Variants in RFTN1 observed in about 807,000 individuals in gnomAD.
The protein encoded by RFTN1 is raftlin, lipid raft linker 1, also known as raftlin.
In RFTN1, 26 loss-of-function variants were observed where a neutral mutation model predicts 46.5. The ratio of observed to expected loss-of-function variants is 0.56; its 90% confidence interval spans 0.41 to 0.78. The LOEUF is 0.78. RFTN1 is among the 30% of genes least tolerant of loss of function. The probability of loss-of-function intolerance (pLI) is 0.00; values close to 1 mark genes in which losing one functional copy is unlikely to be tolerated. For missense variants in RFTN1, 693 were observed against 718.7 expected (o/e 0.96, Z 0.41); for synonymous variants, 261 against 284.2 (o/e 0.92, Z 0.82).
At position 16,376,685 on chromosome 3, in the gene RFTN1, AAT is replaced by A. The variant is rs2073786318; in HGVS notation, c.826+1031_826+1032del. Among the ~76,000 whole-genome samples, 1 of 152,238 alleles carries A rather than the reference AAT, an allele frequency of 6.6e-6. No homozygotes were observed. The highest frequency in any genetic ancestry group is 1.5e-5 in the Non-Finnish European group (1 of 68,042). Reference sequence around the variant, plus strand: ...AGAAGGCTCAATGCCTTGATTAAACAATAGTCTTACTACATCACAAAACTGAC... The same window carrying A: ...AGAAGGCTCAATGCCTTGATTAAACAAGTCTTACTACATCACAAAACTGAC... On this transcript the variant is annotated intron_variant, in intron 5 of 9. Coordinates refer to ENST00000334133, the MANE Select transcript of RFTN1 (RefSeq NM_015150.2). This position sits in a 1 kb window ranked among gnomAD's most constrained non-coding sequence, Gnocchi z 4.7.
Position 16,341,009 on chromosome 3 carries a change from TACCTC to T in RFTN1, c.1147-14138_1147-14134del, listed in dbSNP as rs1002199092. 3.9e-5 allele frequency among the ~76,000 whole-genome samples: 6 copies of T among 152,130 alleles called. No individual in the cohort carries two copies. Among genetic ancestry groups the T allele is most frequent in the African/African-American group, 1.4e-4 (6 of 41,432 alleles). ...AAAATGGGCAAAAGTTCTAAACAAA[TACCTC>T]ACCAAAGAAGATATGCAGGTAGCAA... On this transcript the variant is annotated intron_variant, in intron 7 of 9. Coordinates refer to ENST00000334133, the MANE Select transcript of RFTN1 (RefSeq NM_015150.2). This position sits in a 1 kb window ranked among gnomAD's most constrained non-coding sequence, Gnocchi z 4.7.
Position 16,483,798 on chromosome 3 carries a change from T to C in RFTN1, c.145+9927A>G, listed in dbSNP as rs375760680. Among the ~76,000 whole-genome samples, 26 of 152,216 alleles carry C rather than the reference T, an allele frequency of 1.7e-4. No individual in the cohort carries two copies. The highest frequency in any genetic ancestry group is 5.5e-4 in the African/African-American group (23 of 41,522). ...TTGTACTCCACATGATCTTTTAAGGTTCTCCAAGTGTGGTCCCCAGACCAG... is the reference window on the plus strand; with the variant it reads ...TTGTACTCCACATGATCTTTTAAGGCTCTCCAAGTGTGGTCCCCAGACCAG... On this transcript the variant is annotated intron_variant, in intron 2 of 9. Transcript: ENST00000334133. The surrounding 1 kb of genome is among the most constrained non-coding windows in gnomAD (Gnocchi z 4.8).
rs573282016 is a variant in RFTN1, at chr3:16,480,742, T to G, written c.145+12983A>C. Among the ~76,000 whole-genome samples, 1 of 152,350 alleles carries G rather than the reference T, an allele frequency of 6.6e-6. No homozygotes were observed. Among genetic ancestry groups the G allele is most frequent in the South Asian group, 2.1e-4 (1 of 4,830 alleles). On this transcript the variant is annotated intron_variant, in intron 2 of 9. Transcript: ENST00000334133. This position sits in a 1 kb window ranked among gnomAD's most constrained non-coding sequence, Gnocchi z 4.3. ...AAATTAGAGAAAGCTTAAAATTCTT[T>G]AACGCAATATTGCTAATAATAATTA...
intron 2 of RFTN1, among the ~76,000 whole-genome samples, chr3:16,490,490 A>T (rs1444867102): frequency 1.3e-5 from 2 of 152,146 alleles, no homozygotes. Flanking sequence ...AAGCTACAGA[A>T]AGCCCTGAGC....
rs941460065 is a variant in RFTN1, at chr3:16,498,872, A to G, written c.-8-4995T>C. ...CAGAAAAATCTAGCTTATAAAAAGT[A>G]GGAAAAATCAGCTGTAACAGTGACT... On this transcript the variant is annotated intron_variant, in intron 1 of 9. Coordinates refer to ENST00000334133, the MANE Select transcript of RFTN1 (RefSeq NM_015150.2). The surrounding 1 kb of genome is among the most constrained non-coding windows in gnomAD (Gnocchi z 5.2). 6.7e-6 allele frequency among the ~76,000 whole-genome samples: 1 copy of G among 149,464 alleles called. No homozygotes were observed. Among genetic ancestry groups the G allele is most frequent in the African/African-American group, 2.6e-5 (1 of 38,808 alleles).
At position 16,320,431 on chromosome 3, in the gene RFTN1, G is replaced by T. The variant is rs2068917539; in HGVS notation, c.1332+2945C>A. ...CTATGTGTGTCCTCGCTAAGAAGCT[G>T]ATTACTCATTCATTGATTCGACAAG... On this transcript the variant is annotated intron_variant, in intron 9 of 9. Transcript: ENST00000334133. This position sits in a 1 kb window ranked among gnomAD's most constrained non-coding sequence, Gnocchi z 4.5. Among the ~76,000 whole-genome samples, 1 of 152,232 alleles carries T rather than the reference G, an allele frequency of 6.6e-6. No individual in the cohort carries two copies. The highest frequency in any genetic ancestry group is 2.4e-5 in the African/African-American group (1 of 41,458).
In RFTN1 at chr3:16,453,208, C is replaced by T. The variant is rs80019760; in HGVS notation, c.146-19171G>A. 6.4e-3 allele frequency among the ~76,000 whole-genome samples: 970 copies of T among 152,316 alleles called. 10 individuals carry two copies. The highest frequency in any genetic ancestry group is 6.6e-3 in the Non-Finnish European group (451 of 68,024). ...GGGTTGAACCTGACATTCAAACCCACGCATTCAGAGCCTATGCTCTTAACC... is the reference window on the plus strand; with the variant it reads ...GGGTTGAACCTGACATTCAAACCCATGCATTCAGAGCCTATGCTCTTAACC... On this transcript the variant is annotated intron_variant, in intron 2 of 9. Coordinates refer to ENST00000334133, the MANE Select transcript of RFTN1 (RefSeq NM_015150.2).
Position 16,493,853 on chromosome 3 carries a change from T to C in RFTN1, c.17A>G (p.Asn6Ser). 6.2e-7 allele frequency: 1 copy of C among 1,614,170 alleles called. No individual in the cohort carries two copies. The highest frequency in any genetic ancestry group is 1.7e-5 in the Admixed American group (1 of 60,022). ...TTTTTCATCACGTTTCTCTAACTTG[T>C]TCAATCCGCAACCCATTTCAGCAGC... MGCGLNKLEKRDEKRP... is the reference protein window; with the variant it reads MGCGLSKLEKRDEKRP... The change falls in exon 2 of 10, where the codon AAC becomes AGC. Residue 6 changes from asparagine (N) to serine (S), a missense_variant. By Grantham distance (46) the Asn-to-Ser change is conservative (BLOSUM62 1). Coordinates refer to ENST00000334133, the MANE Select transcript of RFTN1 (RefSeq NM_015150.2).
At chr3:16,502,383 C>CAAAA (rs140019736) in intron 1 of RFTN1, among the ~76,000 whole-genome samples, 1 of 70,930 alleles carries the variant, frequency 1.4e-5, no homozygotes, top group Non-Finnish European at 3.1e-5. Flanking sequence ...GACCTTGTCT[C>CAAAA]AAAAAAAAAA....
Position 16,470,743 on chromosome 3 carries a change from A to T in RFTN1, c.145+22982T>A, listed in dbSNP as rs921461859. Among the ~76,000 whole-genome samples, 31 of 152,350 alleles carry T rather than the reference A, an allele frequency of 2.0e-4. 1 individual carries two copies. The highest frequency in any genetic ancestry group is 6.8e-3 in the Middle Eastern group (2 of 294). ...AAGCAAACAAACAAAATCAACAGTC[A>T]TCAGAAGAATATAACAGAATCCAGA... On this transcript the variant is annotated intron_variant, in intron 2 of 9. Coordinates refer to ENST00000334133, the MANE Select transcript of RFTN1 (RefSeq NM_015150.2).
chr3:16,463,743 G>T (rs138803718), intron 2 of RFTN1, among the ~76,000 whole-genome samples: 218 of 152,168 alleles, frequency 1.4e-3, no homozygotes, highest in African/African-American at 4.7e-3. Context: ...AATAATTTTT[G>T]ATTGAATACC....
intron 2 of RFTN1, among the ~76,000 whole-genome samples, chr3:16,492,784 G>C (rs2076559690): frequency 1.3e-5 from 2 of 152,036 alleles, no homozygotes; most frequent in African/African-American, 2.4e-5. Flanking sequence ...CATTTGTATG[G>C]GTCTCCTGTC....
In RFTN1 at chr3:16,458,014, T is replaced by C. The variant is rs1298842649; in HGVS notation, c.146-23977A>G. On this transcript the variant is annotated intron_variant, in intron 2 of 9. Coordinates refer to ENST00000334133, the MANE Select transcript of RFTN1 (RefSeq NM_015150.2). The surrounding 1 kb of genome is among the most constrained non-coding windows in gnomAD (Gnocchi z 5.1). ...AGGATGCAAAAACAAGTCACTATCT[T>C]GGAAGTGGAGATCAGCCCTCACCAG... Among the ~76,000 whole-genome samples, 1 of 152,164 alleles carries C rather than the reference T, an allele frequency of 6.6e-6. No individual in the cohort carries two copies. The highest frequency in any genetic ancestry group is 1.5e-5 in the Non-Finnish European group (1 of 68,022).
rs1344665138 is a variant in RFTN1, at chr3:16,348,541, A to C, written c.1146+9391T>G. ...CCTTGTTCAGTCTCTGCTCTCTCCCAGGGCACTTCTGGTCAGCAGGGCACA... is the reference window on the plus strand; with the variant it reads ...CCTTGTTCAGTCTCTGCTCTCTCCCCGGGCACTTCTGGTCAGCAGGGCACA... On this transcript the variant is annotated intron_variant, in intron 7 of 9. Coordinates refer to ENST00000334133, the MANE Select transcript of RFTN1 (RefSeq NM_015150.2). This position sits in a 1 kb window ranked among gnomAD's most constrained non-coding sequence, Gnocchi z 6.3. Among the ~76,000 whole-genome samples, 1 of 151,998 alleles carries C rather than the reference A, an allele frequency of 6.6e-6. No individual in the cohort carries two copies. Among genetic ancestry groups the C allele is most frequent in the Non-Finnish European group, 1.5e-5 (1 of 67,968 alleles).
chr3:16,368,517 A>G lies in RFTN1; in HGVS notation c.1030+1559T>C, dbSNP rs545713963. ...AAACCCCATCTCTACTAAAAATACA[A>G]AAAAATTAGCCTGCGTGGTGGCGGG... On this transcript the variant is annotated intron_variant, in intron 6 of 9. Coordinates refer to ENST00000334133, the MANE Select transcript of RFTN1 (RefSeq NM_015150.2). Among the ~76,000 whole-genome samples the G allele has an allele frequency of 5.5e-4, 84 of 152,234 alleles. 1 individual carries two copies. The highest frequency in any genetic ancestry group is 1.9e-3 in the African/African-American group (80 of 41,560).
intron 2 of RFTN1, among the ~76,000 whole-genome samples, chr3:16,486,643 T>C (rs940361658): frequency 3.3e-5 from 5 of 152,224 alleles, no homozygotes; most frequent in African/African-American, 1.2e-4. Context: ...TTTCAAGTCT[T>C]CCTTGACACA....
Position 16,465,351 on chromosome 3 carries a change from G to T in RFTN1, c.145+28374C>A, listed in dbSNP as rs1392371001. Reference sequence around the variant, plus strand: ...ATTTTTATCCATTTGATTGCTGAACGCTTTCATCAAGGCAATTCTCTGAGC... The same window carrying T: ...ATTTTTATCCATTTGATTGCTGAACTCTTTCATCAAGGCAATTCTCTGAGC... On this transcript the variant is annotated intron_variant, in intron 2 of 9. Transcript: ENST00000334133. This position sits in a 1 kb window ranked among gnomAD's most constrained non-coding sequence, Gnocchi z 5.1. Among the ~76,000 whole-genome samples the T allele has an allele frequency of 1.3e-5, 2 of 151,294 alleles. No homozygotes were observed. The highest frequency in any genetic ancestry group is 4.2e-4 in the South Asian group (2 of 4,788).
intron 4 of RFTN1, among the ~76,000 whole-genome samples, chr3:16,390,637 G>A (rs572639234): frequency 6.6e-6 from 1 of 152,318 alleles, no homozygotes; most frequent in Admixed American, 6.5e-5. Context: ...AAAGAATGAT[G>A]CCCACATTCC....
intron 1 of RFTN1, among the ~76,000 whole-genome samples, chr3:16,501,928 T>A (rs191921563): frequency 5.9e-5 from 9 of 152,360 alleles, no homozygotes; most frequent in Admixed American, 5.2e-4. Flanking sequence ...TCAAACTGTA[T>A]TAACGGTTTA....
Sources: gnomAD v4.1 joint callset for allele counts (sites outside exome capture counted in the v4.1 genomes callset) on GRCh38, gnomAD v4.1.1 for gene constraint, Gnocchi (gnomAD v3.1) non-coding constraint, MANE v1.5 for transcripts, NCBI Gene and HGNC (gene_info 2026-07-23, HGNC 2026-07-21) for gene names.